The following ATP8B4 variants were observed in gnomAD, a reference collection of about 807,000 sequenced individuals.
ATP8B4 encodes ATPase phospholipid transporting 8B4 (putative), also known as probable phospholipid-transporting ATPase IM.
A neutral mutation model predicts 145.6 loss-of-function variants in ATP8B4; 133 were observed. The ratio of observed to expected loss-of-function variants is 0.91; its 90% CI spans 0.79 to 1.05. The LOEUF (loss-of-function observed/expected upper bound fraction) is 1.05. Among genes scored for constraint, ATP8B4 ranks in the 50% least tolerant of loss-of-function variants. The pLI is 0.00. For synonymous variants in ATP8B4, 507 were observed against 492.9 expected (o/e 1.03, Z -0.38); for missense variants, 1,458 against 1,425.2 (o/e 1.02, Z -0.37).
chr15:50,022,178 A>T (rs1368821758), intron 6 of ATP8B4, among the ~76,000 whole-genome samples: 2 of 152,056 alleles, frequency 1.3e-5, no homozygotes, highest in Non-Finnish European at 2.9e-5. Context: ...ACAACAAGGG[A>T]TAATACATTT....
chr15:49,987,333 G>A, intron 10 of ATP8B4, 58 bp downstream of exon 10: 1 of 1,558,962 alleles, frequency 6.4e-7, no homozygotes, highest in Non-Finnish European at 8.8e-7. Context: ...CATAGACTGT[G>A]CTGGTGTACG....
At chr15:50,021,905 A>G (rs1400743126) in intron 6 of ATP8B4, among the ~76,000 whole-genome samples, 2 of 152,188 alleles carry the variant, frequency 1.3e-5, no homozygotes, top group East Asian at 1.9e-4. Flanking sequence ...TGTGCATAGC[A>G]TATTTAGTTC....
chr15:49,953,872 T>C (rs1028318478), intron 14 of ATP8B4, among the ~76,000 whole-genome samples: 2 of 152,132 alleles, frequency 1.3e-5, no homozygotes, highest in Non-Finnish European at 2.9e-5. Flanking sequence ...AAAAGCACAG[T>C]TTCCCCGGCT....
At chr15:50,051,940 T>C (rs2052215750) in intron 3 of ATP8B4, among the ~76,000 whole-genome samples, 1 of 152,244 alleles carries the variant, frequency 6.6e-6, no homozygotes, top group African/African-American at 2.4e-5. Context: ...ATGATTGTGT[T>C]TGTTCTACTC....
At chr15:50,132,476 A>G (rs967951596) in intron 1 of ATP8B4, among the ~76,000 whole-genome samples, 1 of 152,224 alleles carries the variant, frequency 6.6e-6, no homozygotes, top group African/African-American at 2.4e-5. Context: ...CCTGCAGAGG[A>G]TGTGGAGAAA....
At chr15:49,901,018 T>C in intron 21 of ATP8B4, 74 bp downstream of exon 21, 1 of 1,513,246 alleles carries the variant, frequency 6.6e-7, no homozygotes, top group Admixed American at 2.0e-5. Flanking sequence ...AAAGGAGGTC[T>C]CATTATGATA....
At chr15:49,955,455 T>C (rs1335563543) in intron 14 of ATP8B4, among the ~76,000 whole-genome samples, 10 of 152,162 alleles carry the variant, frequency 6.6e-5, no homozygotes, top group Non-Finnish European at 1.3e-4. Flanking sequence ...GTGTAGTCAC[T>C]ATAGAAAACA....
intron 4 of ATP8B4, among the ~76,000 whole-genome samples, chr15:50,046,099 T>C (rs2153607520): frequency 6.6e-6 from 1 of 152,236 alleles, no homozygotes; most frequent in Non-Finnish European, 1.5e-5. Context: ...GATTCCACCA[T>C]GGATCCAGGG....
chr15:49,866,855 C>T (rs1333164936), intron 25 of ATP8B4, among the ~76,000 whole-genome samples: 2 of 152,144 alleles, frequency 1.3e-5, no homozygotes, highest in African/African-American at 4.8e-5. Context: ...GAAAAAAATT[C>T]TTTCTGTAAT....
chr15:49,880,355 A>G (rs1410947738), intron 23 of ATP8B4: 1 of 152,234 alleles, frequency 6.6e-6, no homozygotes, highest in Non-Finnish European at 1.5e-5. Flanking sequence ...CTATACTGCA[A>G]GTAGGCCCCA....
At chr15:49,914,690 A>C (rs1331682597) in intron 20 of ATP8B4, among the ~76,000 whole-genome samples, 1 of 152,190 alleles carries the variant, frequency 6.6e-6, no homozygotes. Context: ...TAAGACACAC[A>C]AATAGCCAAC....
At chr15:50,144,486 G>A (rs2044250859) in intron 1 of ATP8B4, among the ~76,000 whole-genome samples, 1 of 152,146 alleles carries the variant, frequency 6.6e-6, no homozygotes, top group Admixed American at 6.6e-5. Flanking sequence ...ATCTTACGTG[G>A]CAGCAGGAGA....
intron 7 of ATP8B4, among the ~76,000 whole-genome samples, chr15:50,004,519 T>C (rs1458668272): frequency 6.6e-6 from 1 of 152,186 alleles, no homozygotes; most frequent in African/African-American, 2.4e-5. Flanking sequence ...CAATTCCTAG[T>C]TGATCCAGAA....
rs144445141 is a variant in ATP8B4, at chr15:49,860,817, T to C, written c.3298-342A>G. Among the ~76,000 whole-genome samples the C allele has an allele frequency of 3.1e-4, 47 of 152,316 alleles. No homozygotes were observed. In the East Asian group the frequency reaches 6.4e-3, roughly 21 times the overall value. On this transcript the variant is annotated intron_variant, in intron 27 of 27. Coordinates refer to ENST00000284509, the MANE Select transcript of ATP8B4 (RefSeq NM_024837.4). ...GTCAGCATAATAATTTATAATTTCA[T>C]TCTCCCAAAACAGCCTTTTTCCTCT...
At chr15:50,171,530 C>A (rs1183080674) in intron 1 of ATP8B4, among the ~76,000 whole-genome samples, 2 of 152,090 alleles carry the variant, frequency 1.3e-5, no homozygotes, top group African/African-American at 4.8e-5. Context: ...CACAAACTAT[C>A]AAAACCTCTG....
At chr15:49,977,565 C>G (rs1043364733) in intron 12 of ATP8B4, among the ~76,000 whole-genome samples, 1 of 151,976 alleles carries the variant, frequency 6.6e-6, no homozygotes, top group African/African-American at 2.4e-5. Flanking sequence ...GAAAGCAGCT[C>G]AGCAAATCCT....
At chr15:49,932,809 C>T (rs1000187996) in intron 15 of ATP8B4, among the ~76,000 whole-genome samples, 7 of 151,974 alleles carry the variant, frequency 4.6e-5, no homozygotes, top group Admixed American at 1.3e-4. Flanking sequence ...AACTGGGTCC[C>T]CCAAAGACTA....
At chr15:49,904,115 C>T (rs560908455) in intron 20 of ATP8B4, among the ~76,000 whole-genome samples, 5 of 152,256 alleles carry the variant, frequency 3.3e-5, no homozygotes, top group East Asian at 1.9e-4. Flanking sequence ...CTGGAACCTA[C>T]GTCTTCATAT....
chr15:50,000,242 C>G (rs975446133), intron 8 of ATP8B4, among the ~76,000 whole-genome samples: 12 of 152,226 alleles, frequency 7.9e-5, no homozygotes, highest in Admixed American at 2.6e-4. Context: ...TGTATGTTAA[C>G]TGCATGTTCA....
Sources: allele counts gnomAD v4.1 joint callset (sites outside exome capture counted in the v4.1 genomes callset), GRCh38; gene constraint gnomAD v4.1.1; transcripts MANE v1.5; gene names NCBI Gene and HGNC (gene_info 2026-07-23, HGNC 2026-07-21).